The following OTUD7A variants were observed in gnomAD, a reference collection of about 807,000 sequenced individuals.
OTUD7A encodes the protein OTU deubiquitinase 7A.
A neutral mutation model predicts 65.7 loss-of-function variants in OTUD7A; 12 were observed. The observed-to-expected ratio is 0.18, with a 90% CI of 0.12 to 0.30. The LOEUF is 0.30. Ranked by LOEUF, OTUD7A falls within the 10% of genes least tolerant of loss-of-function variation. OTUD7A has a pLI of 1.00. For synonymous variants in OTUD7A, 641 were observed against 586.3 expected (o/e 1.09, Z -1.35); for missense variants, 1,148 against 1,304.8 (o/e 0.88, Z 1.85).
intron 5 of OTUD7A, chr15:31,555,850 CTT>C (rs371140342): frequency 5.4e-4 from 51 of 95,272 alleles, no homozygotes; most frequent in Non-Finnish European, 5.9e-4. Flanking sequence ...TGTTCTTTTT[CTT>C]TTTTTTTTTT....
intron 5 of OTUD7A, among the ~76,000 whole-genome samples, chr15:31,552,320 G>A (rs1888351033): frequency 6.6e-6 from 1 of 152,094 alleles, no homozygotes; most frequent in Admixed American, 6.5e-5. Flanking sequence ...CAATGCAAAT[G>A]GGCTATGACA....
At chr15:31,596,194 C>A (rs544626557) in intron 3 of OTUD7A, among the ~76,000 whole-genome samples, 2 of 152,320 alleles carry the variant, frequency 1.3e-5, no homozygotes, top group African/African-American at 4.8e-5. Flanking sequence ...TTGTCTTCTA[C>A]ATGGCCCCTG....
intron 8 of OTUD7A, among the ~76,000 whole-genome samples, chr15:31,509,335 G>A (rs895660919): frequency 1.3e-5 from 2 of 151,894 alleles, no homozygotes; most frequent in Non-Finnish European, 2.9e-5. Flanking sequence ...CTGGAGTGCA[G>A]TGGTGCGATC....
intron 1 of OTUD7A, among the ~76,000 whole-genome samples, chr15:31,666,432 A>C (rs146763045): frequency 0.2 from 29,788 of 151,914 alleles, 3,094 homozygotes; most frequent in East Asian, 0.25. Flanking sequence ...GCCTTGAATA[A>C]TCCTTTGTAT....
At chr15:31,619,835 T>G (rs1890719694) in intron 3 of OTUD7A, among the ~76,000 whole-genome samples, 1 of 152,240 alleles carries the variant, frequency 6.6e-6, no homozygotes, top group African/African-American at 2.4e-5. Flanking sequence ...AGGGCATCCC[T>G]GTCTGTGCCA....
rs1199816739 is a variant in OTUD7A, at chr15:31,688,774, G to A, written c.-99-31697C>T. Among the ~76,000 whole-genome samples, 9 of 150,926 alleles carry A rather than the reference G, an allele frequency of 6.0e-5. No homozygotes were observed. In the South Asian group the frequency reaches 8.4e-4, roughly 14 times the overall value. ...ACAAACACATATTTACCACCTGTGTGTGTCTGTTTGTGTATAAACAATTGG... is the reference window on the plus strand; with the variant it reads ...ACAAACACATATTTACCACCTGTGTATGTCTGTTTGTGTATAAACAATTGG... On this transcript the variant is annotated intron_variant, in intron 1 of 12. Transcript: ENST00000307050.
At chr15:31,611,076 A>C (rs1890405315) in intron 3 of OTUD7A, among the ~76,000 whole-genome samples, 1 of 152,156 alleles carries the variant, frequency 6.6e-6, no homozygotes, top group Admixed American at 6.5e-5. Flanking sequence ...AATGAAATCA[A>C]GATGGAAATT....
At chr15:31,610,644 C>T (rs57807607) in intron 3 of OTUD7A, among the ~76,000 whole-genome samples, 24,151 of 56,488 alleles carry the variant, frequency 0.43, 3,664 homozygotes, top group East Asian at 0.74. Context: ...TTTTTTGAGA[C>T]GGAGTCTCAC....
chr15:31,510,998 GTATATCTATATGTA>G (rs2041701387), intron 8 of OTUD7A, among the ~76,000 whole-genome samples: 1 of 87,224 alleles, frequency 1.1e-5, no homozygotes, highest in Non-Finnish European at 2.0e-5. Context: ...TGTAACATAT[GTATATCTATATGTA>G]ACATACATGT....
chr15:31,688,247 A>G, intron 1 of OTUD7A, among the ~76,000 whole-genome samples: 1 of 151,770 alleles, frequency 6.6e-6, no homozygotes, highest in East Asian at 1.9e-4. Flanking sequence ...TATAAAGAGA[A>G]CTCTTGTAGA....
In OTUD7A at chr15:31,561,568, T is replaced by A. The variant is rs189160871; in HGVS notation, c.332-2381A>T. Among the ~76,000 whole-genome samples the A allele has an allele frequency of 3.5e-3, 537 of 152,260 alleles. 4 individuals carry two copies. Among genetic ancestry groups the A allele is most frequent in the African/African-American group, 0.013 (523 of 41,528 alleles). ...ACCCACATGAGACACTTCGATGGCC[T>A]TGGAAACACGGTGATTCCTAGGACA... On this transcript the variant is annotated intron_variant, in intron 4 of 12. Transcript: ENST00000307050.
chr15:31,673,746 A>G (rs2141298369), intron 1 of OTUD7A, among the ~76,000 whole-genome samples: 1 of 152,232 alleles, frequency 6.6e-6, no homozygotes, highest in East Asian at 1.9e-4. Flanking sequence ...AAGGCACCTT[A>G]TTTTCAAGGA....
Position 31,642,074 on chromosome 15 carries a change from G to C in OTUD7A, c.151+13022C>G, listed in dbSNP as rs1347573901. ...TTGTAAATACTTTATATAAGATTGA[G>C]GAAGTTTTCTTCTATTCCTAGTTTT... On this transcript the variant is annotated intron_variant, in intron 3 of 12. Transcript: ENST00000307050. Among the ~76,000 whole-genome samples the C allele has an allele frequency of 3.3e-5, 5 of 152,162 alleles. No homozygotes were observed. In the South Asian group the frequency reaches 8.3e-4, roughly 25 times the overall value.
In OTUD7A at chr15:31,724,821, G is replaced by A. The variant is rs528429586; in HGVS notation, c.-99-67744C>T. On this transcript the variant is annotated intron_variant, in intron 1 of 12. Transcript: ENST00000307050. ...ACACAGTGGAAAAACTAGACACGAT[G>A]TTTTAGGGAAAAGAGCTTAAGGGTA... Among the ~76,000 whole-genome samples, 18 of 151,842 alleles carry A rather than the reference G, an allele frequency of 1.2e-4. No individual in the cohort carries two copies. The East Asian group carries it at 2.9e-3, about 25-fold the overall frequency.
Position 31,531,077 on chromosome 15 carries a change from C to A in OTUD7A, c.551-269G>T, listed in dbSNP as rs562246140. On this transcript the variant is annotated intron_variant, in intron 5 of 12. Transcript: ENST00000307050. The stretch of plus-strand genomic sequence containing the variant: ...TCCTTGAATCTGGAAACGTATTTTA[C>A]ACAAGATAAAACATTTCTTTGTAAT... Among the ~76,000 whole-genome samples the A allele has an allele frequency of 2.1e-4, 32 of 152,344 alleles. No homozygotes were observed. In the South Asian group the frequency reaches 6.4e-3, roughly 31 times the overall value.
chr15:31,751,613 C>A lies in OTUD7A; in HGVS notation c.-99-94536G>T, dbSNP rs140102635. Among the ~76,000 whole-genome samples the A allele has an allele frequency of 8.7e-4, 133 of 152,188 alleles. 1 individual carries two copies. Among genetic ancestry groups the A allele is most frequent in the African/African-American group, 3.1e-3 (129 of 41,530 alleles). On this transcript the variant is annotated intron_variant, in intron 1 of 12. Coordinates refer to ENST00000307050, the MANE Select transcript of OTUD7A (RefSeq NM_001382637.1). ...GTACTACCCAAAAGATACAAGCATA[C>A]GTATATTCATTGTAGCACTATTCAC...
intron 3 of OTUD7A, among the ~76,000 whole-genome samples, chr15:31,596,615 AT>A (rs1889910936): frequency 6.6e-6 from 1 of 152,002 alleles, no homozygotes; most frequent in South Asian, 2.1e-4. Context: ...GGAAAGTTCT[AT>A]TTTTCCACAT....
intron 1 of OTUD7A, among the ~76,000 whole-genome samples, chr15:31,675,236 T>C (rs565036348): frequency 5.9e-5 from 9 of 152,246 alleles, no homozygotes; most frequent in African/African-American, 1.9e-4. Context: ...TGCAGCCATC[T>C]TGGGTGCTTG....
At chr15:31,766,333 G>A in intron 1 of OTUD7A, 8 of 1,600,134 alleles carry the variant, frequency 5.0e-6, no homozygotes, top group Middle Eastern at 1.7e-4. Flanking sequence ...AAAAGTTGAA[G>A]CTTTCTATGA....
Sources: gnomAD v4.1 joint callset for allele counts (sites outside exome capture counted in the v4.1 genomes callset) on GRCh38, gnomAD v4.1.1 for gene constraint, MANE v1.5 for transcripts, NCBI Gene and HGNC (gene_info 2026-07-23, HGNC 2026-07-21) for gene names.